Variants in IPCEF1 observed in about 807,000 individuals in gnomAD.
IPCEF1 encodes the protein interactor protein for cytohesin exchange factors 1.
A neutral mutation model predicts 50.9 loss-of-function variants in IPCEF1; 31 were observed. The ratio of observed to expected loss-of-function variants is 0.61; its 90% confidence interval spans 0.46 to 0.82. IPCEF1 has a LOEUF of 0.82. Ranked by LOEUF, IPCEF1 falls within the 40% of genes least tolerant of loss-of-function variation. The probability of loss-of-function intolerance (pLI) is 0.00; values close to 1 mark genes in which losing one functional copy is unlikely to be tolerated. For synonymous variants in IPCEF1, 181 were observed against 192.0 expected (o/e 0.94, Z 0.47); for missense variants, 458 against 514.0 (o/e 0.89, Z 1.05).
intron 1 of IPCEF1, among the ~76,000 whole-genome samples, chr6:154,301,073 A>G (rs1583964928): frequency 6.6e-6 from 1 of 152,232 alleles, no homozygotes; most frequent in East Asian, 1.9e-4. Flanking sequence ...ACATACACCC[A>G]AAAGTTATAT....
At chr6:154,270,706 T>TG (rs1351391183) in intron 2 of IPCEF1, among the ~76,000 whole-genome samples, 1 of 152,240 alleles carries the variant, frequency 6.6e-6, no homozygotes, top group Non-Finnish European at 1.5e-5. Context: ...CCAGGTACGG[T>TG]GGCTCACGCC....
chr6:154,331,345 G>A, intron 1 of IPCEF1, among the ~76,000 whole-genome samples: 2 of 116,252 alleles, frequency 1.7e-5, no homozygotes, highest in Non-Finnish European at 3.3e-5. Context: ...AAGGGAGGAA[G>A]GGGAAGGAAA....
In IPCEF1 at chr6:154,168,345, C is replaced by T. The variant is rs1799601105; in HGVS notation, c.911-232G>A. 6.6e-6 allele frequency among the ~76,000 whole-genome samples: 1 copy of T among 152,138 alleles called. No individual in the cohort carries two copies. Among genetic ancestry groups the T allele is most frequent in the Non-Finnish European group, 1.5e-5 (1 of 68,036 alleles). ...CACCAGGGAAGGAGTTATTCCAAGC[C>T]TCTCTCCTGGCTTCAAGTGGTTTTT... On this transcript the variant is annotated intron_variant, in intron 10 of 11. Coordinates refer to ENST00000367220, the MANE Select transcript of IPCEF1 (RefSeq NM_001130700.2). This position sits in a 1 kb window ranked among gnomAD's most constrained non-coding sequence, Gnocchi z 4.1.
chr6:154,336,846 C>T (rs1293974686), intron 1 of IPCEF1, among the ~76,000 whole-genome samples: 3 of 152,166 alleles, frequency 2.0e-5, no homozygotes, highest in African/African-American at 7.2e-5. Flanking sequence ...TCAAGTGATT[C>T]TCCCACCTCG....
intron 10 of IPCEF1, among the ~76,000 whole-genome samples, chr6:154,191,771 G>T (rs1801910491): frequency 6.6e-6 from 1 of 152,060 alleles, no homozygotes. Flanking sequence ...AATATTTATT[G>T]CCAGTTGTAA....
At chr6:154,196,011 C>T (rs913925305) in intron 10 of IPCEF1, among the ~76,000 whole-genome samples, 16 of 152,070 alleles carry the variant, frequency 1.1e-4, no homozygotes, top group Middle Eastern at 6.8e-3. Flanking sequence ...AGGCTGGTCT[C>T]GAACTCCTGA....
chr6:154,271,360 GA>G (rs937058154), intron 2 of IPCEF1, among the ~76,000 whole-genome samples: 17 of 147,386 alleles, frequency 1.2e-4, no homozygotes, highest in Admixed American at 3.4e-4. Flanking sequence ...GTCTCTTAAA[GA>G]AAAAAAAAAT....
chr6:154,263,851 C>T (rs6910193), intron 3 of IPCEF1, among the ~76,000 whole-genome samples: 125 of 6,294 alleles, frequency 0.02, 38 homozygotes, highest in East Asian at 0.053. Context: ...ACCTCCCGGA[C>T]GGGGCGGCTG....
intron 1 of IPCEF1, among the ~76,000 whole-genome samples, chr6:154,344,831 T>C (rs1234126193): frequency 2.0e-5 from 3 of 152,202 alleles, no homozygotes; most frequent in Non-Finnish European, 2.9e-5. Context: ...ACTTTTAGCA[T>C]ACTTATTCTC....
intron 1 of IPCEF1, among the ~76,000 whole-genome samples, chr6:154,329,548 G>A (rs34576177): frequency 0.17 from 25,300 of 151,066 alleles, 2,377 homozygotes; most frequent in South Asian, 0.42. Flanking sequence ...CCATGACCGC[G>A]CCACTGCCCT....
chr6:154,322,139 G>A (rs1783398677), intron 1 of IPCEF1, among the ~76,000 whole-genome samples: 1 of 151,694 alleles, frequency 6.6e-6, no homozygotes, highest in Non-Finnish European at 1.5e-5. Context: ...ACCAAACTTC[G>A]AAAACATTTA....
chr6:154,296,760 C>T lies in IPCEF1; in HGVS notation c.-61-7004G>A, dbSNP rs1245835042. 4.7e-5 allele frequency among the ~76,000 whole-genome samples: 7 copies of T among 148,126 alleles called. No individual in the cohort carries two copies. The East Asian group carries it at 6.0e-4, about 13-fold the overall frequency. ...AGGAGAATGGCGTGAACCCAGGAGG[C>T]GGAGTTTGCAGTGAGCGGAGATCAC... is the stretch of plus-strand genomic sequence containing the variant. On this transcript the variant is annotated intron_variant, in intron 1 of 11. Coordinates refer to ENST00000367220, the MANE Select transcript of IPCEF1 (RefSeq NM_001130700.2).
rs776591590 is a variant in IPCEF1, at chr6:154,199,735, T to C, written c.843A>G (p.Ser281=). The change falls in exon 10 of 12, where the codon TCA becomes TCG. Residue 281 remains serine (S), a synonymous_variant. Coordinates refer to ENST00000367220, the MANE Select transcript of IPCEF1 (RefSeq NM_001130700.2). ...TAAGATGGTCATGATTGCTACTCAA[T>C]GAAGAAGTATCATCACTAGATAAAG... is the stretch of plus-strand genomic sequence containing the variant. ...LNSLSSDDTS[S]LSSNHDHLTV... 3 of 1,614,226 alleles carry C rather than the reference T, an allele frequency of 1.9e-6. No individual in the cohort carries two copies. Among genetic ancestry groups the C allele is most frequent in the Non-Finnish European group, 2.5e-6 (3 of 1,180,016 alleles).
At chr6:154,295,053 T>C (rs905127342) in intron 1 of IPCEF1, among the ~76,000 whole-genome samples, 2 of 151,826 alleles carry the variant, frequency 1.3e-5, no homozygotes, top group East Asian at 1.9e-4. Flanking sequence ...AAAAAATTAG[T>C]CGGGTGTGGT....
intron 5 of IPCEF1, among the ~76,000 whole-genome samples, chr6:154,244,538 G>A (rs552048517): frequency 2.6e-5 from 4 of 152,276 alleles, no homozygotes; most frequent in South Asian, 2.1e-4. Flanking sequence ...GCAAGCCAGG[G>A]CAGGAATGCA....
chr6:154,334,947 T>G (rs2128695285), intron 1 of IPCEF1, among the ~76,000 whole-genome samples: 1 of 152,148 alleles, frequency 6.6e-6, no homozygotes, highest in South Asian at 2.1e-4. Context: ...GAAGCTAAAG[T>G]TCCTTTATCT....
chr6:154,242,261 G>A lies in IPCEF1; in HGVS notation c.246+4330C>T, dbSNP rs149541678. On this transcript the variant is annotated intron_variant, in intron 5 of 11. Coordinates refer to ENST00000367220, the MANE Select transcript of IPCEF1 (RefSeq NM_001130700.2). Reference sequence around the variant, plus strand: ...GTGCAGGACCTAATCGGAACCTTGGGGCCTTTCTAGCAAATTCAGATTGCT... The same window carrying A: ...GTGCAGGACCTAATCGGAACCTTGGAGCCTTTCTAGCAAATTCAGATTGCT... Among the ~76,000 whole-genome samples the A allele has an allele frequency of 5.5e-3, 835 of 152,148 alleles. 2 individuals carry two copies. Among genetic ancestry groups the A allele is most frequent in the Middle Eastern group, 0.01 (3 of 294 alleles).
rs1446600896 is a variant in IPCEF1, at chr6:154,156,306, G to C, written c.*3522C>G. 6.6e-6 allele frequency: 1 copy of C among 152,274 alleles called. No individual in the cohort carries two copies. The highest frequency in any genetic ancestry group is 6.5e-5 in the Admixed American group (1 of 15,282). 9.4% of individuals were successfully genotyped at this position (152,274 alleles called of 1,614,324 possible). A position where few individuals can be genotyped will look rare whatever the true frequency, so the allele number is the denominator to read the frequency against. On this transcript the variant is annotated 3_prime_UTR_variant, in exon 12 of 12. Transcript: ENST00000367220. ...AAACAGCCACCAGGGCCAGCCGTAT[G>C]CTAAGCCCAGTGCAATGAAACACAC...
chr6:154,346,822 T>C (rs2499641), intron 1 of IPCEF1, among the ~76,000 whole-genome samples: 50,915 of 152,084 alleles, frequency 0.33, 9,487 homozygotes, highest in Middle Eastern at 0.45. Flanking sequence ...CCCACAAGTT[T>C]CCTCCCCCAA....
Sources: gnomAD v4.1 joint callset for allele counts (sites outside exome capture counted in the v4.1 genomes callset) on GRCh38, gnomAD v4.1.1 for gene constraint, Gnocchi (gnomAD v3.1) non-coding constraint, MANE v1.5 for transcripts, NCBI Gene and HGNC (gene_info 2026-07-23, HGNC 2026-07-21) for gene names.